TASP1: variants seen among roughly 807,000 people sequenced by gnomAD.
The protein encoded by TASP1 is threonine aspartase 1.
In TASP1, 16 loss-of-function variants were observed where a neutral mutation model predicts 56.6. The observed-to-expected ratio is 0.28, with a 90% CI of 0.19 to 0.43. The LOEUF (loss-of-function observed/expected upper bound fraction) is 0.43, where lower values mean the gene tolerates loss of function less well. Ranked by LOEUF, TASP1 falls within the 20% of genes least tolerant of loss-of-function variation. The pLI is 1.00. For missense variants in TASP1, 393 were observed against 511.6 expected, an observed-to-expected ratio of 0.77 and a Z score of 2.24; for synonymous variants, 179 against 184.2, an observed-to-expected ratio of 0.97 and a Z score of 0.23.
chr20:13,178,849 C>T, the TASP1 span, among the ~76,000 whole-genome samples: 1 of 152,128 alleles, frequency 6.6e-6, no homozygotes, highest in South Asian at 2.1e-4. Context: ...GAAATAGGTT[C>T]TAGTGTTCTA....
At chr20:13,342,834 G>T in the TASP1 span, among the ~76,000 whole-genome samples, 13 of 152,152 alleles carry the variant, frequency 8.5e-5, no homozygotes, top group Non-Finnish European at 1.6e-4. Flanking sequence ...GCCTCCAGAT[G>T]GGGGTGTGTA....
chr20:13,350,815 C>T, the TASP1 span, among the ~76,000 whole-genome samples: 4 of 151,870 alleles, frequency 2.6e-5, no homozygotes, highest in African/African-American at 9.7e-5. Flanking sequence ...CCTTAGCCTC[C>T]CAAGTAGCTG....
the TASP1 span, among the ~76,000 whole-genome samples, chr20:13,223,283 C>G: frequency 6.6e-6 from 1 of 152,036 alleles, no homozygotes; most frequent in South Asian, 2.1e-4. Context: ...CTTTTTACAT[C>G]TTTATACAAT....
At chr20:13,354,806 GA>G in the TASP1 span, among the ~76,000 whole-genome samples, 3 of 147,864 alleles carry the variant, frequency 2.0e-5, no homozygotes, top group Admixed American at 6.7e-5. Context: ...GGTCTTTAGA[GA>G]AAAAAAAAAC....
At chr20:13,259,043 G>T in the TASP1 span, among the ~76,000 whole-genome samples, 1 of 152,172 alleles carries the variant, frequency 6.6e-6, no homozygotes, top group African/African-American at 2.4e-5. Flanking sequence ...AACACTTTGG[G>T]AGGCCGAGGC....
chr20:13,364,707 T>C, the TASP1 span, among the ~76,000 whole-genome samples: 1,060 of 152,056 alleles, frequency 7.0e-3, 26 homozygotes, highest in Non-Finnish European at 6.3e-3. Context: ...CCTGTGTCCA[T>C]TGAAAGAAAA....
At chr20:13,433,006 G>A (rs2042865541) in intron 12 of TASP1, among the ~76,000 whole-genome samples, 1 of 152,008 alleles carries the variant, frequency 6.6e-6, no homozygotes, top group South Asian at 2.1e-4. Context: ...TTTAAGTTCT[G>A]GGATACATGT....
chr20:13,600,446 T>G (rs569404978), intron 4 of TASP1: 2 of 152,108 alleles, frequency 1.3e-5, no homozygotes, highest in African/African-American at 2.4e-5. Context: ...AAATGGTCAA[T>G]TTTTGCCAAA....
At chr20:13,129,593 A>G in the TASP1 span, among the ~76,000 whole-genome samples, 1 of 152,260 alleles carries the variant, frequency 6.6e-6, no homozygotes, top group Non-Finnish European at 1.5e-5. Context: ...TTGTGTCTCA[A>G]CAAAAATTTT....
At chr20:13,395,693 CTT>C (rs71188158) in intron 13 of TASP1, among the ~76,000 whole-genome samples, 3 of 136,420 alleles carry the variant, frequency 2.2e-5, no homozygotes, top group African/African-American at 8.2e-5. Flanking sequence ...CCTCAGCTTT[CTT>C]TTTTTTTTTT....
intron 4 of TASP1, among the ~76,000 whole-genome samples, chr20:13,588,269 G>GGAAA (rs1332617886): frequency 1.0e-4 from 12 of 115,404 alleles, no homozygotes; most frequent in African/African-American, 3.9e-4. Flanking sequence ...AAGGAAGGAA[G>GGAAA]GAAGGAAGGA....
chr20:13,479,674 T>C (rs2043067475), intron 11 of TASP1, among the ~76,000 whole-genome samples: 1 of 152,132 alleles, frequency 6.6e-6, no homozygotes. Flanking sequence ...TTTGTATTTT[T>C]AGTAGAGACA....
chr20:13,323,059 G>C, the TASP1 span, among the ~76,000 whole-genome samples: 1 of 152,084 alleles, frequency 6.6e-6, no homozygotes, highest in Non-Finnish European at 1.5e-5. Flanking sequence ...TCTGGGGGAA[G>C]ACACCACCCA....
chr20:13,170,755 T>C, the TASP1 span, among the ~76,000 whole-genome samples: 4 of 152,310 alleles, frequency 2.6e-5, no homozygotes, highest in Middle Eastern at 3.4e-3. Flanking sequence ...TGGCCAGGGA[T>C]AGGTCTGGCT....
chr20:13,275,321 T>C, the TASP1 span, among the ~76,000 whole-genome samples: 1 of 152,198 alleles, frequency 6.6e-6, no homozygotes, highest in African/African-American at 2.4e-5. Flanking sequence ...CAGTTGTACG[T>C]GCTTCTACTT....
the TASP1 span, among the ~76,000 whole-genome samples, chr20:13,380,411 G>C: frequency 6.6e-6 from 1 of 152,208 alleles, no homozygotes; most frequent in Admixed American, 6.5e-5. Flanking sequence ...AGAGGCTGCA[G>C]AACAGCAAAG....
At chr20:13,341,630 T>C in the TASP1 span, among the ~76,000 whole-genome samples, 2 of 152,240 alleles carry the variant, frequency 1.3e-5, no homozygotes, top group Non-Finnish European at 2.9e-5. Context: ...TGTGGACTTG[T>C]AATGTGGCCT....
At chr20:13,257,676 T>G in the TASP1 span, among the ~76,000 whole-genome samples, 1 of 151,782 alleles carries the variant, frequency 6.6e-6, no homozygotes, top group Non-Finnish European at 1.5e-5. Context: ...TAAAGCAGTG[T>G]TGGGGTGGAC....
At chr20:13,509,208 T>C (rs1028317305) in intron 10 of TASP1, among the ~76,000 whole-genome samples, 8 of 151,348 alleles carry the variant, frequency 5.3e-5, no homozygotes, top group Non-Finnish European at 8.8e-5. Flanking sequence ...TGTGACAACA[T>C]GGATGAACTT....
Sources: gnomAD v4.1 joint callset for allele counts (sites outside exome capture counted in the v4.1 genomes callset) on GRCh38, gnomAD v4.1.1 for gene constraint, MANE v1.5 for transcripts, NCBI Gene and HGNC (gene_info 2026-07-23, HGNC 2026-07-21) for gene names.